The following INTS9 variants were observed in gnomAD, a reference collection of about 807,000 sequenced individuals.
INTS9 encodes integrator complex subunit 9.
INTS9 carries 55 observed loss-of-function variants against 79.7 expected under a neutral mutation model. The ratio of observed to expected loss-of-function variants is 0.69; its 90% CI spans 0.56 to 0.86. INTS9 has a LOEUF of 0.86. Among genes scored for constraint, INTS9 ranks in the 40% least tolerant of loss-of-function variants. INTS9 has a pLI of 0.00. For synonymous variants in INTS9, 319 were observed against 325.2 expected (o/e 0.98, Z 0.20); for missense variants, 721 against 831.5 (o/e 0.87, Z 1.64).
chr8:28,884,302 G>C (rs900233015), intron 1 of INTS9, among the ~76,000 whole-genome samples: 2 of 144,598 alleles, frequency 1.4e-5, no homozygotes, highest in Non-Finnish European at 3.0e-5. Context: ...TCTCACCTCA[G>C]CCTACTGAGT....
At position 28,777,902 on chromosome 8, in the gene INTS9, A is replaced by T; in HGVS notation, c.1322T>A (p.Met441Lys). The T allele has an allele frequency of 6.2e-7, 1 of 1,612,730 alleles. No homozygotes were observed. Reference sequence around the variant, plus strand: ...GTCGATGGGGCAGTAGATGCATTTCATGGCCAGCGGCTGGTAAGGAGCCAG... The same window carrying T: ...GTCGATGGGGCAGTAGATGCATTTCTTGGCCAGCGGCTGGTAAGGAGCCAG... ...EALAPYQPLAMKCIYCPIDTR... is the reference protein window; with the variant it reads ...EALAPYQPLAKKCIYCPIDTR... Residue 441 changes from methionine to lysine, a missense_variant, in exon 13 of 17, where the codon ATG becomes AAG. By Grantham distance (95) the Met-to-Lys change is moderately conservative. Coordinates refer to ENST00000521022, the MANE Select transcript of INTS9 (RefSeq NM_018250.4).
chr8:28,888,507 G>A (rs78762894), intron 1 of INTS9, among the ~76,000 whole-genome samples: 3,523 of 152,258 alleles, frequency 0.023, 129 homozygotes, highest in African/African-American at 0.081. Flanking sequence ...CTGAGAACGC[G>A]CCACTGCACT....
At chr8:28,803,029 C>T (rs1190942616) in intron 8 of INTS9, among the ~76,000 whole-genome samples, 3 of 151,962 alleles carry the variant, frequency 2.0e-5, no homozygotes, top group Admixed American at 6.6e-5. Context: ...GGAGGATCAT[C>T]TGAGCCCATA....
At chr8:28,816,165 T>C (rs1805464512) in intron 6 of INTS9, among the ~76,000 whole-genome samples, 2 of 151,914 alleles carry the variant, frequency 1.3e-5, no homozygotes, top group Non-Finnish European at 2.9e-5. Flanking sequence ...ATTTTATTAT[T>C]ATTATACTTT....
At chr8:28,785,111 C>A (rs1391785971) in intron 11 of INTS9, among the ~76,000 whole-genome samples, 1 of 152,200 alleles carries the variant, frequency 6.6e-6, no homozygotes, top group Non-Finnish European at 1.5e-5. Flanking sequence ...TCACAGAAAT[C>A]ATGCTGCTTT....
At chr8:28,813,672 C>T (rs1278037546) in intron 6 of INTS9, 60 bp from the exon 7 acceptor site, 15 of 1,579,648 alleles carry the variant, frequency 9.5e-6, no homozygotes, top group Admixed American at 7.1e-5. Flanking sequence ...CTACAGCATT[C>T]CTTTCTAGTA....
chr8:28,817,288 G>A (rs1805543555), intron 6 of INTS9, among the ~76,000 whole-genome samples: 1 of 151,994 alleles, frequency 6.6e-6, no homozygotes, highest in Non-Finnish European at 1.5e-5. Context: ...ATGGTTTTAG[G>A]TCTAACGTTT....
At chr8:28,771,261 T>C (rs1199398919) in intron 14 of INTS9, 181 bp from the exon 15 acceptor site, 1 of 656,432 alleles carries the variant, frequency 1.5e-6, no homozygotes, top group African/African-American at 1.8e-5. Flanking sequence ...GTGCAGCCTT[T>C]CATTCATTCT....
intron 1 of INTS9, among the ~76,000 whole-genome samples, chr8:28,885,570 A>T (rs1396936318): frequency 6.6e-6 from 1 of 152,230 alleles, no homozygotes; most frequent in Non-Finnish European, 1.5e-5. Flanking sequence ...TCTCCATCTC[A>T]GGTACTATCT....
chr8:28,771,111 G>C, intron 14 of INTS9, 31 bp from the exon 15 acceptor site: 1 of 1,428,348 alleles, frequency 7.0e-7, no homozygotes, highest in Non-Finnish European at 9.7e-7. Flanking sequence ...TCAGGCTGGG[G>C]GCCTTTAATG....
At chr8:28,850,765 T>C (rs907517716) in intron 2 of INTS9, among the ~76,000 whole-genome samples, 2 of 152,222 alleles carry the variant, frequency 1.3e-5, no homozygotes, top group African/African-American at 4.8e-5. Flanking sequence ...ATCCACGCTT[T>C]GGGTTCACAG....
chr8:28,829,901 A>C (rs1393496690), intron 6 of INTS9, among the ~76,000 whole-genome samples: 1 of 152,162 alleles, frequency 6.6e-6, no homozygotes, highest in African/African-American at 2.4e-5. Flanking sequence ...TGGAGCTACG[A>C]GTCAGCTGCC....
chr8:28,876,134 G>T (rs1809373676), intron 1 of INTS9, among the ~76,000 whole-genome samples: 2 of 152,090 alleles, frequency 1.3e-5, no homozygotes, highest in Non-Finnish European at 1.5e-5. Context: ...ACATTTCTTG[G>T]GTTTATCAGG....
At chr8:28,817,317 G>A (rs1243500206) in intron 6 of INTS9, among the ~76,000 whole-genome samples, 6 of 152,110 alleles carry the variant, frequency 3.9e-5, no homozygotes, top group African/African-American at 1.2e-4. Flanking sequence ...AATCCATCTT[G>A]AATTAATTTT....
intron 1 of INTS9, among the ~76,000 whole-genome samples, chr8:28,883,059 ACCCC>A (rs1468962934): frequency 1.3e-5 from 2 of 152,046 alleles, no homozygotes; most frequent in Non-Finnish European, 2.9e-5. Context: ...TCTGGCACGT[ACCCC>A]TTTCTTAGCC....
chr8:28,795,404 G>T (rs572747775), intron 9 of INTS9, among the ~76,000 whole-genome samples: 2 of 152,226 alleles, frequency 1.3e-5, no homozygotes, highest in African/African-American at 4.8e-5. Flanking sequence ...CACTTTGGGA[G>T]GCCGAGGCGG....
intron 2 of INTS9, among the ~76,000 whole-genome samples, chr8:28,855,484 G>C (rs571556254): frequency 5.9e-5 from 9 of 152,306 alleles, no homozygotes; most frequent in African/African-American, 2.2e-4. Flanking sequence ...ACCAAAAACA[G>C]TAACCCCAAC....
At chr8:28,850,531 A>C (rs536190698) in intron 2 of INTS9, among the ~76,000 whole-genome samples, 1 of 152,352 alleles carries the variant, frequency 6.6e-6, no homozygotes, top group African/African-American at 2.4e-5. Context: ...CAAAATAATA[A>C]AGAAAAAAGA....
In INTS9 at chr8:28,813,545, C is replaced by A. The variant is rs1434838635; in HGVS notation, c.556G>T (p.Glu186Ter). 18 of 1,613,500 alleles carry A rather than the reference C, an allele frequency of 1.1e-5. No homozygotes were observed. The highest frequency in any genetic ancestry group is 1.5e-5 in the Non-Finnish European group (18 of 1,179,522). ...ATTTTACTAAGGGCAGAGTTCACCT[C>A]TTGCATTGTATAGCATCTTCTCCAG... is the stretch of plus-strand genomic sequence containing the variant. Reference protein sequence around the residue: ...STWRRCYTMQEVNSALSKIQL... With the variant: ...STWRRCYTMQ The change falls in exon 7 of 17, where the codon GAG becomes TAG. Residue 186 changes from glutamate to a stop codon, truncating the protein, a stop_gained. Transcript: ENST00000521022. LOFTEE classifies it high-confidence loss of function.
Sources: gnomAD v4.1 joint callset for allele counts (sites outside exome capture counted in the v4.1 genomes callset) on GRCh38, gnomAD v4.1.1 for gene constraint, MANE v1.5 for transcripts, NCBI Gene and HGNC (gene_info 2026-07-23, HGNC 2026-07-21) for gene names.